Variants in MUC7 observed in about 807,000 individuals in gnomAD.
MUC7 encodes the protein mucin 7, secreted.
MUC7 carries 2 observed loss-of-function variants against 2.5 expected under a neutral mutation model. That is an observed-to-expected ratio of 0.81 (90% CI 0.33 to 2.55). MUC7 has a LOEUF of 2.55. Among genes scored for constraint, MUC7 ranks in the 30% most tolerant of loss-of-function variants. The probability of loss-of-function intolerance (pLI) is 0.11; values close to 1 mark genes in which losing one functional copy is unlikely to be tolerated. For synonymous variants in MUC7, 133 were observed against 173.4 expected (o/e 0.77, Z 1.83); for missense variants, 408 against 455.6 (o/e 0.90, Z 0.95).
upstream of MUC7, among the ~76,000 whole-genome samples, chr4:70,468,310 G>C (rs1012363549): frequency 3.3e-5 from 5 of 152,160 alleles, no homozygotes; most frequent in Middle Eastern, 3.4e-3. Context: ...ATACTGAATG[G>C]GCAAAAGCTG....
intron 1 of MUC7, among the ~76,000 whole-genome samples, chr4:70,436,645 C>T (rs995577550): frequency 1.3e-5 from 2 of 152,184 alleles, no homozygotes; most frequent in East Asian, 1.9e-4. Context: ...TTAGAACATG[C>T]TCCTTTAGCT....
chr4:70,445,726 T>C (rs988699297), intron 1 of MUC7, among the ~76,000 whole-genome samples: 2 of 151,918 alleles, frequency 1.3e-5, no homozygotes, highest in African/African-American at 2.4e-5. Flanking sequence ...AAAAAAGAGG[T>C]TCGTATAATA....
At chr4:70,443,380 C>T (rs1304840823) in intron 1 of MUC7, among the ~76,000 whole-genome samples, 1 of 151,532 alleles carries the variant, frequency 6.6e-6, no homozygotes. Flanking sequence ...ACAAAGTGGC[C>T]ACCAACAACC....
chr4:70,469,486 C>G (rs10018558), upstream of MUC7, among the ~76,000 whole-genome samples: 138,025 of 152,226 alleles, frequency 0.91, 62,777 homozygotes, highest in East Asian at 1. Flanking sequence ...GAGAATGGGA[C>G]AAAATTTTTG....
At chr4:70,479,912 G>T (rs1560559571) in intron 2 of MUC7, among the ~76,000 whole-genome samples, 1 of 152,190 alleles carries the variant, frequency 6.6e-6, no homozygotes, top group South Asian at 2.1e-4. Context: ...CCTACATTCA[G>T]TGTCAAGAAC....
At chr4:70,457,066 G>A (rs779955711) in intron 1 of MUC7, among the ~76,000 whole-genome samples, 2 of 152,158 alleles carry the variant, frequency 1.3e-5, no homozygotes, top group Non-Finnish European at 2.9e-5. Context: ...TGGTTGCCCT[G>A]GGAAGTGGTA....
In MUC7 at chr4:70,480,817, A is replaced by G. The variant is rs758462022; in HGVS notation, c.73A>G (p.Arg25Gly). Reference protein sequence around the residue: ...ACFSFSEGRERDHELRHRRHH... With the variant: ...ACFSFSEGREGDHELRHRRHH... ...TCTGCAGTTCAGTGAAGGTCGAGAA[A>G]GGGATCATGAACTACGTCACAGAAG... The change falls in exon 3 of 3, where the codon AGG (arginine) becomes GGG (glycine). Residue 25 changes from arginine (R) to glycine (G), a missense_variant. Physicochemically the swap from Arg to Gly is moderately radical, Grantham distance 125. Transcript: ENST00000304887. 1.6e-5 allele frequency: 26 copies of G among 1,613,188 alleles called. No individual in the cohort carries two copies. The highest frequency in any genetic ancestry group is 2.7e-5 in the African/African-American group (2 of 74,904).
At chr4:70,478,619 C>T (rs1735076001) in intron 2 of MUC7, among the ~76,000 whole-genome samples, 1 of 152,126 alleles carries the variant, frequency 6.6e-6, no homozygotes, top group Non-Finnish European at 1.5e-5. Context: ...CATACATGTT[C>T]CTATAAGATC....
At chr4:70,440,545 G>A (rs570855376) in intron 1 of MUC7, among the ~76,000 whole-genome samples, 3 of 152,176 alleles carry the variant, frequency 2.0e-5, no homozygotes, top group East Asian at 1.9e-4. Flanking sequence ...AGATCAGTAA[G>A]GTGACTATAG....
chr4:70,436,858 T>C (rs778351316), intron 1 of MUC7, among the ~76,000 whole-genome samples: 8 of 152,224 alleles, frequency 5.3e-5, no homozygotes, highest in Non-Finnish European at 1.0e-4. Flanking sequence ...GTCTTTGATG[T>C]TGATGACCTA....
intron 1 of MUC7, among the ~76,000 whole-genome samples, chr4:70,431,392 A>G (rs949440553): frequency 2.0e-5 from 3 of 152,172 alleles, no homozygotes; most frequent in Admixed American, 6.6e-5. Flanking sequence ...AACAATAAAC[A>G]TCTTCAAACA....
intron 2 of MUC7, among the ~76,000 whole-genome samples, chr4:70,475,616 C>A (rs979164272): frequency 4.6e-5 from 7 of 151,896 alleles, no homozygotes; most frequent in South Asian, 2.1e-4. Context: ...GGTGTACTGG[C>A]AAAGGAAGAT....
intron 2 of MUC7, among the ~76,000 whole-genome samples, chr4:70,477,905 G>C (rs1735052089): frequency 6.6e-6 from 1 of 151,970 alleles, no homozygotes; most frequent in African/African-American, 2.4e-5. Context: ...CACCCTCCCT[G>C]GCATATCTAT....
intron 1 of MUC7, among the ~76,000 whole-genome samples, chr4:70,459,736 A>C (rs1394426189): frequency 8.5e-5 from 13 of 152,192 alleles, no homozygotes; most frequent in Admixed American, 8.5e-4. Context: ...GCCTTTTTAC[A>C]ATGTACATAG....
At chr4:70,459,563 T>C (rs1483497891) in intron 1 of MUC7, among the ~76,000 whole-genome samples, 1 of 152,184 alleles carries the variant, frequency 6.6e-6, no homozygotes, top group Non-Finnish European at 1.5e-5. Context: ...ACATGTACCC[T>C]AAAACTTAAA....
intron 1 of MUC7, among the ~76,000 whole-genome samples, chr4:70,463,548 G>T (rs539141542): frequency 1.3e-5 from 2 of 152,328 alleles, no homozygotes; most frequent in East Asian, 3.9e-4. Flanking sequence ...TTCAGCTCCA[G>T]AAGAGCAGAA....
chr4:70,478,792 C>A (rs1430678022), intron 2 of MUC7, among the ~76,000 whole-genome samples: 1 of 152,118 alleles, frequency 6.6e-6, no homozygotes, highest in Non-Finnish European at 1.5e-5. Flanking sequence ...ATGACCTGTT[C>A]TATTTTATAT....
At chr4:70,464,386 C>G (rs1022041205) in intron 1 of MUC7, among the ~76,000 whole-genome samples, 7 of 152,052 alleles carry the variant, frequency 4.6e-5, no homozygotes, top group Non-Finnish European at 1.0e-4. Context: ...CCTGGAACAC[C>G]AGTGAGACAG....
chr4:70,431,096 G>C (rs375710249), intron 1 of MUC7, among the ~76,000 whole-genome samples: 27 of 151,660 alleles, frequency 1.8e-4, no homozygotes, highest in African/African-American at 6.5e-4. Flanking sequence ...TTACATTTTG[G>C]CTAAGAAAAA....
Sources: allele counts gnomAD v4.1 joint callset (sites outside exome capture counted in the v4.1 genomes callset), GRCh38; gene constraint gnomAD v4.1.1; transcripts MANE v1.5; gene names NCBI Gene and HGNC (gene_info 2026-07-23, HGNC 2026-07-21).